Variants in CCDC150 observed in about 807,000 individuals in gnomAD.
CCDC150 encodes coiled-coil domain-containing protein 150.
In CCDC150, 151 loss-of-function variants were observed where a neutral mutation model predicts 156.5. That is an observed-to-expected ratio of 0.97 (90% CI 0.85 to 1.10). CCDC150 has a LOEUF of 1.10. Among genes scored for constraint, CCDC150 ranks in the 50% least tolerant of loss-of-function variants. The pLI, the probability that CCDC150 is intolerant of heterozygous loss-of-function variation, is 0.00. For synonymous variants in CCDC150, 452 were observed against 429.4 expected (o/e 1.05, Z -0.65); for missense variants, 1,312 against 1,268.1 (o/e 1.03, Z -0.53).
At chr2:196,667,105 A>C in intron 7 of CCDC150, 1 of 482,212 alleles carries the variant, frequency 2.1e-6, no homozygotes, top group Non-Finnish European at 3.7e-6. Context: ...ACCTGGGAAT[A>C]TTTGGTTTCT....
intron 22 of CCDC150, 186 bp downstream of exon 22, chr2:196,726,285 C>T (rs931789461): frequency 3.3e-5 from 18 of 548,648 alleles, no homozygotes; most frequent in Admixed American, 9.7e-5. Flanking sequence ...TAATTCTCTG[C>T]CCGACAAAGG....
At chr2:196,717,002 AG>A (rs1466828627) in intron 17 of CCDC150, among the ~76,000 whole-genome samples, 7 of 151,120 alleles carry the variant, frequency 4.6e-5, no homozygotes, top group Non-Finnish European at 7.4e-5. Context: ...CTGGAATTAC[AG>A]GCGCCCGCCA....
chr2:196,721,067 C>G (rs541772840), intron 20 of CCDC150, among the ~76,000 whole-genome samples: 25 of 151,904 alleles, frequency 1.6e-4, no homozygotes, highest in Admixed American at 1.1e-3. Flanking sequence ...GCATACATAT[C>G]TATATGCACA....
intron 21 of CCDC150, among the ~76,000 whole-genome samples, chr2:196,723,245 GTAA>G (rs1698025913): frequency 6.6e-6 from 1 of 152,230 alleles, no homozygotes; most frequent in Admixed American, 6.5e-5. Context: ...GCTCACACCT[GTAA>G]TCCCAGTACT....
intron 13 of CCDC150, among the ~76,000 whole-genome samples, chr2:196,690,861 T>C (rs1246969518): frequency 6.6e-6 from 1 of 152,212 alleles, no homozygotes; most frequent in Non-Finnish European, 1.5e-5. Flanking sequence ...TGGCTCTTAT[T>C]ATTTTGTGGT....
intron 2 of CCDC150, among the ~76,000 whole-genome samples, chr2:196,652,350 G>A (rs528830381): frequency 1.3e-5 from 2 of 152,190 alleles, no homozygotes; most frequent in Non-Finnish European, 2.9e-5. Context: ...TTACTTCCAA[G>A]ATACAATGTG....
intron 5 of CCDC150, among the ~76,000 whole-genome samples, chr2:196,660,579 CAT>C (rs1468559844): frequency 2.6e-5 from 4 of 152,172 alleles, no homozygotes; most frequent in Admixed American, 6.5e-5. Context: ...AGAATCTTCT[CAT>C]GTGTTTATTT....
At chr2:196,681,983 C>T (rs556910681) in intron 13 of CCDC150, among the ~76,000 whole-genome samples, 2 of 151,996 alleles carry the variant, frequency 1.3e-5, no homozygotes, top group South Asian at 4.2e-4. Context: ...ATCTGTGTTT[C>T]CTTGGATTGT....
rs541922025 is a variant in CCDC150, at chr2:196,699,369, G to A, written c.1624-1740G>A. ...TAATAATCCACCAAAGCCTAATATT[G>A]GGTATAAGTTTTTATATTAAAGGTG... On this transcript the variant is annotated intron_variant, in intron 14 of 27. Coordinates refer to ENST00000389175, the MANE Select transcript of CCDC150 (RefSeq NM_001080539.2). Among the ~76,000 whole-genome samples, 4 of 152,276 alleles carry A rather than the reference G, an allele frequency of 2.6e-5. No homozygotes were observed. In the South Asian group the frequency reaches 8.3e-4, roughly 32 times the overall value.
chr2:196,677,123 G>T (rs751388640), intron 12 of CCDC150, 170 bp from the exon 13 acceptor site: 1 of 707,984 alleles, frequency 1.4e-6, no homozygotes, highest in South Asian at 1.5e-5. Flanking sequence ...AGGGCTATTT[G>T]TGAAGTCTGC....
chr2:196,693,691 C>T (rs1341848714), intron 13 of CCDC150, among the ~76,000 whole-genome samples: 5 of 152,040 alleles, frequency 3.3e-5, no homozygotes, highest in South Asian at 4.1e-4. Flanking sequence ...GGAATAGGAG[C>T]GGTGAAAGTG....
rs761147868 is a variant in CCDC150 at position 196,658,771 on chromosome 2, C to A, written c.577-21C>A. On this transcript the variant is annotated intron_variant, in intron 4 of 27. Coordinates refer to ENST00000389175, the MANE Select transcript of CCDC150 (RefSeq NM_001080539.2). ...CCTGTCATTTCAGATTATTTAGAAT[C>A]TTTTCTCCTTCTACTTTTAGAAGAA... 3.8e-5 allele frequency: 59 copies of A among 1,558,912 alleles called. No individual in the cohort carries two copies. In the Admixed American group the frequency reaches 9.8e-4, roughly 26 times the overall value.
At chr2:196,716,706 ACGTAT>A (rs761504619) in intron 17 of CCDC150, among the ~76,000 whole-genome samples, 3 of 152,204 alleles carry the variant, frequency 2.0e-5, no homozygotes, top group Non-Finnish European at 2.9e-5. Flanking sequence ...AAAGTCTTAT[ACGTAT>A]GTGAAAACTT....
chr2:196,705,384 A>C (rs1457971904), intron 15 of CCDC150, among the ~76,000 whole-genome samples: 1 of 152,106 alleles, frequency 6.6e-6, no homozygotes, highest in Non-Finnish European at 1.5e-5. Flanking sequence ...ATCCTTCGCC[A>C]ACTTTTTGAT....
chr2:196,655,045 G>A (rs1031404060), intron 2 of CCDC150, among the ~76,000 whole-genome samples: 3 of 152,224 alleles, frequency 2.0e-5, no homozygotes, highest in Non-Finnish European at 4.4e-5. Flanking sequence ...GAAAATATTA[G>A]GGTGTTAGAT....
intron 23 of CCDC150, 128 bp downstream of exon 23, chr2:196,729,515 G>T: frequency 1.1e-6 from 1 of 903,554 alleles, no homozygotes; most frequent in East Asian, 2.5e-5. Flanking sequence ...ATAGCCAGTT[G>T]TCTTTGGGGA....
intron 26 of CCDC150, 115 bp downstream of exon 26, chr2:196,731,060 G>C: frequency 1.5e-6 from 1 of 666,382 alleles, no homozygotes; most frequent in South Asian, 2.3e-5. Context: ...AATGCAACAG[G>C]GAAGAACGAG....
chr2:196,681,251 CTTT>C (rs1694801557), intron 13 of CCDC150, among the ~76,000 whole-genome samples: 1 of 151,960 alleles, frequency 6.6e-6, no homozygotes, highest in Non-Finnish European at 1.5e-5. Flanking sequence ...TAGCATGATG[CTTT>C]TGGGGTTCTT....
chr2:196,672,221 A>G (rs1337749494), intron 8 of CCDC150, 124 bp from the exon 9 acceptor site: 6 of 437,668 alleles, frequency 1.4e-5, no homozygotes, highest in Middle Eastern at 3.2e-4. Flanking sequence ...AGACATTTAT[A>G]AAGTTCCAGT....
Sources: allele counts gnomAD v4.1 joint callset (sites outside exome capture counted in the v4.1 genomes callset), GRCh38; gene constraint gnomAD v4.1.1; transcripts MANE v1.5; gene names NCBI Gene and HGNC (gene_info 2026-07-23, HGNC 2026-07-21).